Variants in ZNF385D observed in about 807,000 individuals in gnomAD.
The protein encoded by ZNF385D is zinc finger protein 659.
In ZNF385D, 15 loss-of-function variants were observed where a neutral mutation model predicts 35.8. That is an observed-to-expected ratio of 0.42 (90% CI 0.28 to 0.64). ZNF385D has a LOEUF of 0.64. ZNF385D is among the 30% of genes least tolerant of loss of function. The pLI, the probability that ZNF385D is intolerant of heterozygous loss-of-function variation, is 0.23. For missense variants in ZNF385D, 474 were observed against 494.6 expected, an observed-to-expected ratio of 0.96 and a Z score of 0.39; for synonymous variants, 212 against 186.8, an observed-to-expected ratio of 1.13 and a Z score of -1.10.
At chr3:22,310,692 G>A (rs1483546998) in intron 2 of ZNF385D, among the ~76,000 whole-genome samples, 1 of 151,794 alleles carries the variant, frequency 6.6e-6, no homozygotes, top group African/African-American at 2.4e-5. Flanking sequence ...TTATCACTAG[G>A]AATATTTCCT....
intron 3 of ZNF385D, among the ~76,000 whole-genome samples, chr3:21,799,472 G>A (rs765538044): frequency 6.6e-5 from 10 of 152,012 alleles, no homozygotes; most frequent in Non-Finnish European, 1.0e-4. Flanking sequence ...AGTATTTGTG[G>A]TTTCCGTCTT....
intron 2 of ZNF385D, among the ~76,000 whole-genome samples, chr3:22,189,164 C>T (rs753326402): frequency 5.9e-5 from 9 of 152,014 alleles, no homozygotes; most frequent in African/African-American, 9.7e-5. Flanking sequence ...TAAAGTTGGC[C>T]CCAAGGTCAT....
intron 2 of ZNF385D, among the ~76,000 whole-genome samples, chr3:22,344,032 C>A (rs899092755): frequency 6.6e-6 from 1 of 152,226 alleles, no homozygotes; most frequent in Non-Finnish European, 1.5e-5. Flanking sequence ...CTTCATGATG[C>A]CTTCCCAGAA....
intron 3 of ZNF385D, among the ~76,000 whole-genome samples, chr3:21,984,194 C>A (rs1694675764): frequency 6.9e-6 from 1 of 145,964 alleles, no homozygotes; most frequent in Non-Finnish European, 1.5e-5. Flanking sequence ...TCAATTTTGG[C>A]TTTTGTTGCC....
At chr3:22,036,852 T>C in intron 3 of ZNF385D, among the ~76,000 whole-genome samples, 1 of 123,146 alleles carries the variant, frequency 8.1e-6, no homozygotes, top group Non-Finnish European at 1.7e-5. Flanking sequence ...CCTAATGCTA[T>C]CCCTCCCCCC....
intron 3 of ZNF385D, among the ~76,000 whole-genome samples, chr3:21,823,479 C>G (rs550648606): frequency 1.3e-5 from 2 of 152,156 alleles, no homozygotes; most frequent in Non-Finnish European, 2.9e-5. Flanking sequence ...ACGCAGCACA[C>G]TCACCGTGTA....
At chr3:21,711,430 A>G (rs1001298196) in intron 1 of ZNF385D, among the ~76,000 whole-genome samples, 1 of 151,794 alleles carries the variant, frequency 6.6e-6, no homozygotes, top group African/African-American at 2.4e-5. Flanking sequence ...GTTTGTAAAG[A>G]TTGGAGAAAT....
intron 3 of ZNF385D, among the ~76,000 whole-genome samples, chr3:21,823,085 TTTA>T (rs1694378864): frequency 6.6e-6 from 1 of 151,194 alleles, no homozygotes; most frequent in Non-Finnish European, 1.5e-5. Flanking sequence ...CTCAGGAGTT[TTTA>T]TTGTCATACT....
chr3:21,861,256 G>T (rs531950644), intron 3 of ZNF385D, among the ~76,000 whole-genome samples: 18 of 152,226 alleles, frequency 1.2e-4, no homozygotes, highest in Admixed American at 1.0e-3. Flanking sequence ...TGTTTTGGCT[G>T]TATCAATACA....
chr3:21,780,659 T>C lies in ZNF385D; in HGVS notation c.326-115631A>G, dbSNP rs545710899. Among the ~76,000 whole-genome samples, 121 of 152,244 alleles carry C rather than the reference T, an allele frequency of 7.9e-4. 1 individual carries two copies. The highest frequency in any genetic ancestry group is 2.8e-3 in the African/African-American group (118 of 41,574). On this transcript the variant is annotated intron_variant, in intron 3 of 5. Transcript: ENST00000494108. ...TACTAAAGCATGAAGTATCTTTCAA[T>C]GGACTAATTGTATTTTACATTAGAC...
Position 21,704,467 on chromosome 3 carries a change from C to A in ZNF385D, c.23-39439G>T, listed in dbSNP as rs139426169. 3.4e-3 allele frequency among the ~76,000 whole-genome samples: 516 copies of A among 152,164 alleles called. 3 individuals are homozygous for A. The highest frequency in any genetic ancestry group is 0.012 in the African/African-American group (486 of 41,516). On this transcript the variant is annotated intron_variant, in intron 1 of 7. Transcript: ENST00000281523. ...TCCCTTTCCCTACCCCATGTTATTT[C>A]ATAGCCTTTACCAAAATCTGATATT...
chr3:21,752,440 T>C (rs925757648), upstream of ZNF385D, among the ~76,000 whole-genome samples: 16 of 152,196 alleles, frequency 1.1e-4, no homozygotes, highest in Non-Finnish European at 1.9e-4. Flanking sequence ...AAATATTCTA[T>C]AGCATTTCCT....
intron 1 of ZNF385D, among the ~76,000 whole-genome samples, chr3:21,686,015 CCTGG>C (rs1333890394): frequency 6.6e-6 from 1 of 152,046 alleles, no homozygotes; most frequent in East Asian, 1.9e-4. Context: ...AGATGTCCAG[CCTGG>C]CTTTCCCAAA....
intron 1 of ZNF385D, among the ~76,000 whole-genome samples, chr3:21,719,025 T>C (rs2068433493): frequency 6.6e-6 from 1 of 152,240 alleles, no homozygotes; most frequent in Non-Finnish European, 1.5e-5. Flanking sequence ...GTGCCCAAGA[T>C]ATGCTAATTT....
intron 3 of ZNF385D, among the ~76,000 whole-genome samples, chr3:22,127,203 G>A (rs369742777): frequency 6.6e-6 from 1 of 150,974 alleles, no homozygotes; most frequent in Non-Finnish European, 1.5e-5. Context: ...ACTTACTCCT[G>A]ACATTTTGTT....
At chr3:22,243,333 T>C (rs1320818258) in intron 2 of ZNF385D, among the ~76,000 whole-genome samples, 1 of 151,188 alleles carries the variant, frequency 6.6e-6, no homozygotes, top group Non-Finnish European at 1.5e-5. Flanking sequence ...TATTACTTTA[T>C]ACCACAGAGA....
chr3:22,299,686 T>G (rs1274420809), intron 2 of ZNF385D, among the ~76,000 whole-genome samples: 1 of 151,478 alleles, frequency 6.6e-6, no homozygotes, highest in Non-Finnish European at 1.5e-5. Flanking sequence ...TAACAAACTC[T>G]CTGAAAAAGA....
At chr3:21,920,483 G>C (rs1000931719) in intron 3 of ZNF385D, among the ~76,000 whole-genome samples, 3 of 151,778 alleles carry the variant, frequency 2.0e-5, no homozygotes, top group African/African-American at 7.3e-5. Context: ...TTTTAGGTTT[G>C]GGTTTCAAGA....
intron 3 of ZNF385D, among the ~76,000 whole-genome samples, chr3:21,797,128 T>A (rs1405888148): frequency 6.6e-6 from 1 of 152,168 alleles, no homozygotes; most frequent in Non-Finnish European, 1.5e-5. Context: ...TACAAAGAAC[T>A]ATTCAAGCTC....
Sources: gnomAD v4.1 joint callset for allele counts (sites outside exome capture counted in the v4.1 genomes callset) on GRCh38, gnomAD v4.1.1 for gene constraint, MANE v1.5 for transcripts, NCBI Gene and HGNC (gene_info 2026-07-23, HGNC 2026-07-21) for gene names.